Variants in ME1 observed in about 807,000 individuals in gnomAD.
The protein encoded by ME1 is malic enzyme 1.
In ME1, 74 loss-of-function variants were observed where a neutral mutation model predicts 66.4. The ratio of observed to expected loss-of-function variants is 1.11; its 90% CI spans 0.92 to 1.35. ME1 has a LOEUF of 1.35. ME1 is among the 40% of genes most tolerant of loss of function. The pLI, the probability that ME1 is intolerant of heterozygous loss-of-function variation, is 0.00. For missense variants in ME1, 750 were observed against 694.1 expected (o/e 1.08, Z -0.90); for synonymous variants, 251 against 235.6 (o/e 1.07, Z -0.60).
At chr6:83,377,205 G>C (rs1227219105) in intron 3 of ME1, among the ~76,000 whole-genome samples, 1 of 152,198 alleles carries the variant, frequency 6.6e-6, no homozygotes, top group Non-Finnish European at 1.5e-5. Flanking sequence ...TGATGATTAT[G>C]ATGATGGGGT....
intron 1 of ME1, among the ~76,000 whole-genome samples, chr6:83,423,462 T>C (rs1261530025): frequency 6.6e-6 from 1 of 152,086 alleles, no homozygotes; most frequent in Non-Finnish European, 1.5e-5. Context: ...TAATAGATTA[T>C]CCTTTCCCTC....
chr6:83,421,781 T>C (rs1288347506), intron 1 of ME1, among the ~76,000 whole-genome samples: 1 of 152,168 alleles, frequency 6.6e-6, no homozygotes, highest in East Asian at 1.9e-4. Flanking sequence ...TCCACCTCTC[T>C]AGTCCCAACT....
intron 5 of ME1, among the ~76,000 whole-genome samples, chr6:83,319,398 C>A (rs1048523255): frequency 5.9e-5 from 9 of 151,752 alleles, no homozygotes; most frequent in Non-Finnish European, 1.2e-4. Flanking sequence ...ACATGCCAGC[C>A]AACATAGGAA....
At chr6:83,356,372 A>T (rs1283178807) in intron 3 of ME1, among the ~76,000 whole-genome samples, 1 of 152,156 alleles carries the variant, frequency 6.6e-6, no homozygotes, top group African/African-American at 2.4e-5. Context: ...TTATATACCA[A>T]AGATCTGGAC....
chr6:83,382,040 T>A (rs1457077007), intron 3 of ME1, among the ~76,000 whole-genome samples: 1 of 151,974 alleles, frequency 6.6e-6, no homozygotes, highest in Non-Finnish European at 1.5e-5. Flanking sequence ...TTTTTCCTTT[T>A]TTTTTTCCCT....
intron 1 of ME1, among the ~76,000 whole-genome samples, chr6:83,430,327 T>C (rs562981124): frequency 8.5e-5 from 13 of 152,322 alleles, no homozygotes; most frequent in African/African-American, 3.1e-4. Flanking sequence ...CCCAGACTCT[T>C]AACCGTGTCA....
At chr6:83,347,169 G>A (rs1408753033) in intron 4 of ME1, among the ~76,000 whole-genome samples, 2 of 152,008 alleles carry the variant, frequency 1.3e-5, no homozygotes, top group African/African-American at 2.4e-5. Flanking sequence ...AGCCAGGCTG[G>A]TATCAAACTC....
In ME1 at chr6:83,283,227, CAAAAA is replaced by C. The variant is rs71545854; in HGVS notation, c.705-29494_705-29490del. 4.8e-4 allele frequency among the ~76,000 whole-genome samples: 14 copies of C among 28,908 alleles called. 1 individual carries two copies. Among genetic ancestry groups the C allele is most frequent in the Admixed American group, 3.0e-3 (7 of 2,306 alleles). The allele number at this position is 28,908 out of a possible 152,430, so 19.0% of individuals were successfully genotyped here. A position where few individuals can be genotyped will look rare whatever the true frequency, so the allele number is the denominator to read the frequency against. On this transcript the variant is annotated intron_variant, in intron 6 of 13. Transcript: ENST00000369705. ...TGGGCGACAGAGCAAGACTCCGTCT[CAAAAA>C]AAAAAAAAAAAAAAAATGATGAGTT...
chr6:83,430,494 A>C (rs2127699282), intron 1 of ME1, among the ~76,000 whole-genome samples: 1 of 152,374 alleles, frequency 6.6e-6, no homozygotes, highest in East Asian at 1.9e-4. Flanking sequence ...AGTGAGTGGC[A>C]CATGGAGTCT....
At chr6:83,380,257 G>A (rs1235161971) in intron 3 of ME1, among the ~76,000 whole-genome samples, 4 of 152,052 alleles carry the variant, frequency 2.6e-5, no homozygotes, top group Non-Finnish European at 4.4e-5. Flanking sequence ...AGGGACATGA[G>A]TGGGAGGAAT....
chr6:83,214,951 T>C (rs982309966), intron 13 of ME1, among the ~76,000 whole-genome samples: 1 of 152,162 alleles, frequency 6.6e-6, no homozygotes, highest in Non-Finnish European at 1.5e-5. Flanking sequence ...CTGCTTTTTT[T>C]CCCCTCTAAT....
chr6:83,273,644 A>G (rs1407290871), intron 6 of ME1, among the ~76,000 whole-genome samples: 1 of 152,190 alleles, frequency 6.6e-6, no homozygotes, highest in Admixed American at 6.5e-5. Context: ...CTGAAATATA[A>G]TTATACTAAT....
At chr6:83,346,118 G>C in intron 5 of ME1, 55 bp downstream of exon 5, 1 of 1,330,632 alleles carries the variant, frequency 7.5e-7, no homozygotes, top group Non-Finnish European at 1.0e-6. Flanking sequence ...CAAAATGCAA[G>C]AATTGATGCC....
chr6:83,352,167 T>C, intron 3 of ME1, 28 bp from the exon 4 acceptor site: 9 of 1,277,820 alleles, frequency 7.0e-6, no homozygotes, highest in South Asian at 1.6e-5. Flanking sequence ...AAAAAAGGAG[T>C]AGTTTACATT....
At chr6:83,299,782 C>T (rs1056918678) in intron 6 of ME1, among the ~76,000 whole-genome samples, 1 of 152,072 alleles carries the variant, frequency 6.6e-6, no homozygotes, top group Non-Finnish European at 1.5e-5. Context: ...GACATCAATA[C>T]CTAGTTTATT....
At chr6:83,355,752 A>G (rs1005316991) in intron 3 of ME1, among the ~76,000 whole-genome samples, 3 of 152,178 alleles carry the variant, frequency 2.0e-5, no homozygotes, top group African/African-American at 7.2e-5. Context: ...GTTGGATATA[A>G]AAACATTAAT....
intron 2 of ME1, among the ~76,000 whole-genome samples, chr6:83,404,190 T>C (rs1769890086): frequency 6.6e-6 from 1 of 152,196 alleles, no homozygotes; most frequent in Non-Finnish European, 1.5e-5. Context: ...TTTTTAATGA[T>C]CGCCATTCTA....
chr6:83,302,349 C>T lies in ME1; in HGVS notation c.704+12961G>A, dbSNP rs566662462. ...AGAAGAGCAAAAAAAAAATAACTAA[C>T]GAGTACTATGCTTAGTTCCTGGGTG... On this transcript the variant is annotated intron_variant, in intron 6 of 13. Transcript: ENST00000369705. Among the ~76,000 whole-genome samples the T allele has an allele frequency of 5.3e-5, 8 of 152,102 alleles. No individual in the cohort carries two copies. The East Asian group carries it at 5.8e-4, about 11-fold the overall frequency.
rs138657452 is a variant in ME1 at position 83,325,393 on chromosome 6, G to C, written c.601-9980C>G. On this transcript the variant is annotated intron_variant, in intron 5 of 13. Coordinates refer to ENST00000369705, the MANE Select transcript of ME1 (RefSeq NM_002395.6). ...AATCAGGCAAGAGAAAGAAATAAAG[G>C]GTATTCCAATAGGAAAAGAAGAAGT... 2.3e-3 allele frequency among the ~76,000 whole-genome samples: 353 copies of C among 152,140 alleles called. 2 individuals carry two copies. Among genetic ancestry groups the C allele is most frequent in the African/African-American group, 6.6e-3 (276 of 41,504 alleles).
Sources: allele counts gnomAD v4.1 joint callset (sites outside exome capture counted in the v4.1 genomes callset), GRCh38; gene constraint gnomAD v4.1.1; transcripts MANE v1.5; gene names NCBI Gene and HGNC (gene_info 2026-07-23, HGNC 2026-07-21).